Variants in TTC7A observed in about 807,000 individuals in gnomAD.
TTC7A encodes tetratricopeptide repeat domain 7A.
Under a neutral mutation model 103.7 loss-of-function variants are expected in TTC7A, and 110 were observed. The observed-to-expected ratio is 1.06, with a 90% CI of 0.91 to 1.24. TTC7A has a LOEUF of 1.24. Among genes scored for constraint, TTC7A ranks in the 50% most tolerant of loss-of-function variants. The pLI, the probability that TTC7A is intolerant of heterozygous loss-of-function variation, is 0.00. For synonymous variants in TTC7A, 521 were observed against 467.9 expected (o/e 1.11, Z -1.47); for missense variants, 1,340 against 1,116.3 (o/e 1.20, Z -2.86).
At position 46,941,364 on chromosome 2, in the gene TTC7A, G is replaced by C. The variant is rs900837523; in HGVS notation, c.-178G>C. On this transcript the variant is annotated 5_prime_UTR_variant, in exon 1 of 20. Transcript: ENST00000319190. This position sits in a 1 kb window ranked among gnomAD's most constrained non-coding sequence, Gnocchi z 4.2. ...CCGGGCGGTGCGCTGGGAGCTGCTG[G>C]TGCTGCTGCTGCTGCTGCTGCCCAC... The C allele has an allele frequency of 6.0e-5, 23 of 384,148 alleles. No homozygotes were observed. The Admixed American group carries it at 6.6e-4, about 11-fold the overall frequency. The allele number at this position is 384,148 out of a possible 1,614,324, so 23.8% of individuals were successfully genotyped here.
At position 47,031,125 on chromosome 2, in the gene TTC7A, C is replaced by T. The variant is rs144308386; in HGVS notation, c.1802+1741C>T. On this transcript the variant is annotated intron_variant, in intron 15 of 19. Transcript: ENST00000319190. ...TTGCGCCACTGCACTCTAGCCTGGG[C>T]GACAGAGCGAGACTCAGTCTCAAAA... Among the ~76,000 whole-genome samples the T allele has an allele frequency of 2.4e-3, 364 of 152,156 alleles. 3 individuals are homozygous for T. Among genetic ancestry groups the T allele is most frequent in the African/African-American group, 8.1e-3 (338 of 41,530 alleles).
rs1198289059 is a variant in TTC7A at position 47,065,280 on chromosome 2, C to G, written c.2355+4309C>G. On this transcript the variant is annotated intron_variant, in intron 19 of 19. Coordinates refer to ENST00000319190, the MANE Select transcript of TTC7A (RefSeq NM_020458.4). ...CCAGCCTGGGTGACAGAGCGAGACT[C>G]CGTCTCAAAAAGGAAAAAAATGAGG... 2.0e-5 allele frequency among the ~76,000 whole-genome samples: 3 copies of G among 152,300 alleles called. No individual in the cohort carries two copies. In the South Asian group the frequency reaches 6.2e-4, roughly 32 times the overall value.
chr2:47,063,930 C>T (rs1355866312), intron 19 of TTC7A, among the ~76,000 whole-genome samples: 1 of 152,244 alleles, frequency 6.6e-6, no homozygotes, highest in Admixed American at 6.5e-5. Flanking sequence ...GAAGAAAGCC[C>T]ACTGGGAGTT....
chr2:47,015,644 A>G (rs1180893910), intron 11 of TTC7A, among the ~76,000 whole-genome samples: 1 of 152,218 alleles, frequency 6.6e-6, no homozygotes, highest in Admixed American at 6.5e-5. Flanking sequence ...GATGACATGA[A>G]GAGTGCCCCT....
intron 16 of TTC7A, among the ~76,000 whole-genome samples, chr2:47,049,405 G>T (rs1309667464): frequency 6.6e-6 from 1 of 152,012 alleles, no homozygotes; most frequent in African/African-American, 2.4e-5. Context: ...CAAGGGTTGG[G>T]GGACAAGATG....
Position 46,978,868 on chromosome 2 carries a change from C to G in TTC7A, c.725C>G (p.Ala242Gly). ...TATGAGCTCACCTACTTCCTGGAAG[C>G]TGCCCTCCAGAGCGCCTATGTGAAA... ...LDYELTYFLEAALQSAYVKNL... is the reference protein window; with the variant it reads ...LDYELTYFLEGALQSAYVKNL... The change falls in exon 5 of 20, where the codon GCT (alanine) becomes GGT (glycine). Residue 242 changes from alanine to glycine, a missense_variant. By Grantham distance (60) the Ala-to-Gly change is moderately conservative. Transcript: ENST00000319190. The G allele has an allele frequency of 1.2e-6, 2 of 1,614,116 alleles. No individual in the cohort carries two copies. The highest frequency in any genetic ancestry group is 2.2e-5 in the East Asian group (1 of 44,882).
At chr2:46,950,265 C>T (rs1572698724) in intron 1 of TTC7A, 98 bp from the exon 2 acceptor site, 2 of 1,250,614 alleles carry the variant, frequency 1.6e-6, no homozygotes, top group East Asian at 2.4e-5. Flanking sequence ...CATTCATGTA[C>T]TGGGTATGGG....
At chr2:47,033,712 G>A (rs1414943676) in intron 15 of TTC7A, among the ~76,000 whole-genome samples, 1 of 152,224 alleles carries the variant, frequency 6.6e-6, no homozygotes, top group Non-Finnish European at 1.5e-5. Context: ...TGAGACTCAG[G>A]AGAGGGCACA....
chr2:46,982,647 A>G (rs887422336), intron 5 of TTC7A, among the ~76,000 whole-genome samples: 2 of 151,920 alleles, frequency 1.3e-5, no homozygotes, highest in African/African-American at 4.8e-5. Flanking sequence ...ATATGTGAAC[A>G]CCCACCCACC....
At chr2:47,041,061 G>A (rs1359338628) in intron 15 of TTC7A, among the ~76,000 whole-genome samples, 1 of 152,198 alleles carries the variant, frequency 6.6e-6, no homozygotes, top group Non-Finnish European at 1.5e-5. Flanking sequence ...CCCAGTGACT[G>A]TCCCCTGGGA....
At chr2:47,054,179 G>A in intron 18 of TTC7A, 3 of 985,432 alleles carry the variant, frequency 3.0e-6, no homozygotes, top group Non-Finnish European at 3.6e-6. Flanking sequence ...AGTATTAGGA[G>A]ACCAGTTTGG....
intron 1 of TTC7A, among the ~76,000 whole-genome samples, chr2:46,942,746 T>C (rs146831893): frequency 6.6e-6 from 1 of 152,286 alleles, no homozygotes; most frequent in East Asian, 1.9e-4. Flanking sequence ...TCTGAGTACA[T>C]CCTTTAAATC....
chr2:46,928,842 TA>T (rs1210119772), intron 2 of TTC7A, among the ~76,000 whole-genome samples: 12 of 151,180 alleles, frequency 7.9e-5, no homozygotes, highest in African/African-American at 2.7e-4. Flanking sequence ...ACCAGAGGGG[TA>T]GGGGGGGAAG....
At chr2:46,985,415 C>T (rs890499218) in intron 5 of TTC7A, among the ~76,000 whole-genome samples, 3 of 152,210 alleles carry the variant, frequency 2.0e-5, no homozygotes, top group African/African-American at 4.8e-5. Flanking sequence ...TTCCTGTGGC[C>T]CATCCAGCCC....
chr2:46,953,059 CAT>C (rs1199784674), intron 2 of TTC7A, among the ~76,000 whole-genome samples: 2 of 152,178 alleles, frequency 1.3e-5, no homozygotes, highest in Non-Finnish European at 2.9e-5. Flanking sequence ...TAAACAAAGA[CAT>C]ATATAGGCAC....
At chr2:46,982,578 G>A (rs1182909202) in intron 5 of TTC7A, among the ~76,000 whole-genome samples, 1 of 152,186 alleles carries the variant, frequency 6.6e-6, no homozygotes, top group African/African-American at 2.4e-5. Flanking sequence ...TTCCTTATCT[G>A]TAAGCTGGTG....
intron 15 of TTC7A, among the ~76,000 whole-genome samples, chr2:47,031,628 CTG>C (rs1164410497): frequency 6.6e-6 from 1 of 152,238 alleles, no homozygotes; most frequent in Non-Finnish European, 1.5e-5. Flanking sequence ...GAAACTGAGA[CTG>C]TGATGCAGGC....
In TTC7A at chr2:46,974,863, T is replaced by G. The variant is rs550534176; in HGVS notation, c.518-110T>G. 8 of 1,464,532 alleles carry G rather than the reference T, an allele frequency of 5.5e-6. No individual in the cohort carries two copies. In the African/African-American group the frequency reaches 8.4e-5, roughly 15 times the overall value. The allele number at this position is 1,464,532 out of a possible 1,614,324, so 90.7% of individuals were successfully genotyped here. A position where few individuals can be genotyped will look rare whatever the true frequency, so the allele number is the denominator to read the frequency against. On this transcript the variant is annotated intron_variant, in intron 3 of 19. Coordinates refer to ENST00000319190, the MANE Select transcript of TTC7A (RefSeq NM_020458.4). ...CCGCAGACCTCCGCCTCCTCCTGGC[T>G]GCACCAGAGTGTCTGCCCCCTCGGA...
chr2:46,964,733 C>A (rs1436627174), intron 3 of TTC7A, among the ~76,000 whole-genome samples: 1 of 152,188 alleles, frequency 6.6e-6, no homozygotes, highest in African/African-American at 2.4e-5. Context: ...ACATCTCTAG[C>A]TTTAGCCCGT....
Sources: gnomAD v4.1 joint callset for allele counts (sites outside exome capture counted in the v4.1 genomes callset) on GRCh38, gnomAD v4.1.1 for gene constraint, Gnocchi (gnomAD v3.1) non-coding constraint, MANE v1.5 for transcripts, NCBI Gene and HGNC (gene_info 2026-07-23, HGNC 2026-07-21) for gene names.